BICD2: variants seen among roughly 807,000 people sequenced by gnomAD.
The protein encoded by BICD2 is BICD cargo adaptor 2, also known as protein bicaudal D homolog 2.
Under a neutral mutation model 72.9 loss-of-function variants are expected in BICD2, and 25 were observed. The observed-to-expected ratio is 0.34, with a 90% CI of 0.25 to 0.48. The LOEUF is 0.48. Ranked by LOEUF, BICD2 falls within the 20% of genes least tolerant of loss-of-function variation. The pLI is 0.99. For missense variants in BICD2, 894 were observed against 1,175.2 expected (o/e 0.76, Z 3.50); for synonymous variants, 501 against 516.1 (o/e 0.97, Z 0.40).
At chr9:92,739,919 G>A (rs994382451) in intron 1 of BICD2, among the ~76,000 whole-genome samples, 5 of 152,192 alleles carry the variant, frequency 3.3e-5, no homozygotes, top group African/African-American at 7.2e-5. Context: ...CCAGGACTCC[G>A]CAGGAGACCA....
At chr9:92,749,019 G>A (rs1854086040) in intron 1 of BICD2, among the ~76,000 whole-genome samples, 2 of 152,090 alleles carry the variant, frequency 1.3e-5, no homozygotes, top group South Asian at 2.1e-4. Context: ...GGGGCAGGAG[G>A]TGGAGTTGGT....
At chr9:92,752,344 AAAAG>A (rs1361654001) in intron 1 of BICD2, among the ~76,000 whole-genome samples, 1 of 152,206 alleles carries the variant, frequency 6.6e-6, no homozygotes, top group Non-Finnish European at 1.5e-5. Flanking sequence ...TAAAAAAAAA[AAAAG>A]AGGCACCATG....
chr9:92,722,541 C>T (rs1212345360), intron 3 of BICD2, 115 bp downstream of exon 3: 8 of 1,402,474 alleles, frequency 5.7e-6, no homozygotes, highest in South Asian at 1.4e-5. Flanking sequence ...CCCTGGGCCT[C>T]GGGTGTGTGG....
At chr9:92,722,894 C>T in intron 2 of BICD2, 86 bp from the exon 3 acceptor site, 2 of 1,538,798 alleles carry the variant, frequency 1.3e-6, no homozygotes, top group Non-Finnish European at 1.8e-6. Flanking sequence ...CCATGGCCAG[C>T]CATACAGCCA....
intron 2 of BICD2, among the ~76,000 whole-genome samples, chr9:92,726,996 G>A (rs1853580127): frequency 6.6e-6 from 1 of 152,170 alleles, no homozygotes. Flanking sequence ...GGAATAGACG[G>A]GCCAGACAGA....
At position 92,722,857 on chromosome 9, in the gene BICD2, G is replaced by C; in HGVS notation, c.454-49C>G. 20 of 1,610,414 alleles carry C rather than the reference G, an allele frequency of 1.2e-5. 2 individuals carry two copies. The highest frequency in any genetic ancestry group is 1.2e-4 in the African/African-American group (9 of 74,982). On this transcript the variant is annotated intron_variant, in intron 2 of 6. Transcript: ENST00000356884. Reference sequence around the variant, plus strand: ...GGTATGAGCAGCCTCCACAGGGCACGAGAGGGGCTCAGTGCAGCCAGGCAC... The same window carrying C: ...GGTATGAGCAGCCTCCACAGGGCACCAGAGGGGCTCAGTGCAGCCAGGCAC...
At position 92,764,168 on chromosome 9, in the gene BICD2, C is replaced by CA. The variant is rs1166394437; in HGVS notation, c.240+336dup. On this transcript the variant is annotated intron_variant, in intron 1 of 6. Transcript: ENST00000356884. This position sits in a 1 kb window ranked among gnomAD's most constrained non-coding sequence, Gnocchi z 5.5. ...TGCCCTCCCAACCCCACCCCACACTCAGACACACCCGGAACAGCGACCACC... is the reference window on the plus strand; with the variant it reads ...TGCCCTCCCAACCCCACCCCACACTCAAGACACACCCGGAACAGCGACCACC... Among the ~76,000 whole-genome samples the CA allele has an allele frequency of 2.6e-5, 4 of 151,504 alleles. No homozygotes were observed. Among genetic ancestry groups the CA allele is most frequent in the Non-Finnish European group, 5.9e-5 (4 of 67,806 alleles).
chr9:92,728,445 G>A (rs928907836), intron 2 of BICD2, among the ~76,000 whole-genome samples: 1 of 152,242 alleles, frequency 6.6e-6, no homozygotes, highest in African/African-American at 2.4e-5. Context: ...AACAGGCTCT[G>A]GTGCCAGGGA....
intron 1 of BICD2, among the ~76,000 whole-genome samples, chr9:92,748,289 G>A (rs1315967295): frequency 6.6e-6 from 1 of 152,126 alleles, no homozygotes; most frequent in Non-Finnish European, 1.5e-5. Context: ...CCTCTCCAGG[G>A]CTGAATCACG....
At chr9:92,745,540 C>A (rs1320435776) in intron 1 of BICD2, among the ~76,000 whole-genome samples, 1 of 152,098 alleles carries the variant, frequency 6.6e-6, no homozygotes, top group African/African-American at 2.4e-5. Context: ...GGGCTGCCGT[C>A]AGCACCCCTC....
At chr9:92,726,986 G>T (rs1253311127) in intron 2 of BICD2, among the ~76,000 whole-genome samples, 1 of 152,178 alleles carries the variant, frequency 6.6e-6, no homozygotes, top group African/African-American at 2.4e-5. Flanking sequence ...ACGCTTTTCA[G>T]GAATAGACGG....
chr9:92,737,735 C>T (rs187110843), intron 1 of BICD2, among the ~76,000 whole-genome samples: 1 of 152,308 alleles, frequency 6.6e-6, no homozygotes, highest in African/African-American at 2.4e-5. Flanking sequence ...AACAACTCTT[C>T]AAGTGTTACT....
intron 1 of BICD2, among the ~76,000 whole-genome samples, chr9:92,749,020 T>C (rs1466756868): frequency 6.6e-6 from 1 of 150,734 alleles, no homozygotes; most frequent in Non-Finnish European, 1.5e-5. Context: ...GGGCAGGAGG[T>C]GGAGTTGGTC....
At position 92,714,927 on chromosome 9, in the gene BICD2, A is replaced by G. The variant is rs116761334; in HGVS notation, c.*227T>C. On this transcript the variant is annotated 3_prime_UTR_variant, in exon 7 of 7. Transcript: ENST00000356884. ...TATCCCCACCTCTGACCCCCACCTA[A>G]GAGAGCAGCTGAGGACTGGGTGCTC... The G allele has an allele frequency of 4.2e-4, 565 of 1,358,718 alleles. 2 individuals are homozygous for G. The African/African-American group carries it at 7.2e-3, about 17-fold the overall frequency. The allele number at this position is 1,358,718 out of a possible 1,614,324, so 84.2% of individuals were successfully genotyped here.
At chr9:92,721,344 A>G (rs1212579834) in intron 3 of BICD2, among the ~76,000 whole-genome samples, 1 of 152,202 alleles carries the variant, frequency 6.6e-6, no homozygotes, top group African/African-American at 2.4e-5. Flanking sequence ...AAACCTCCAC[A>G]TGCACATGAC....
At chr9:92,719,729 G>A (rs1853419832) in intron 4 of BICD2, 147 bp from the exon 5 acceptor site, 3 of 773,374 alleles carry the variant, frequency 3.9e-6, no homozygotes, top group South Asian at 1.9e-5. Flanking sequence ...TCAGTGAGGT[G>A]GACAAAGACA....
At chr9:92,747,822 C>T (rs1044235396) in intron 1 of BICD2, among the ~76,000 whole-genome samples, 10 of 152,232 alleles carry the variant, frequency 6.6e-5, no homozygotes, top group Admixed American at 3.9e-4. Flanking sequence ...GAGCCCAAGC[C>T]CAGCAAGTGG....
chr9:92,716,022 T>A (rs1853305377), intron 6 of BICD2, among the ~76,000 whole-genome samples: 1 of 151,990 alleles, frequency 6.6e-6, no homozygotes, highest in African/African-American at 2.4e-5. Context: ...GAAACCCGGG[T>A]GCGGAGCTGT....
At chr9:92,729,568 A>G (rs10821010) in intron 1 of BICD2, among the ~76,000 whole-genome samples, 43,287 of 152,262 alleles carry the variant, frequency 0.28, 7,151 homozygotes, top group East Asian at 0.76. Flanking sequence ...GGGGGCCGGC[A>G]GAGGGAGCTC....
Sources: gnomAD v4.1 joint callset for allele counts (sites outside exome capture counted in the v4.1 genomes callset) on GRCh38, gnomAD v4.1.1 for gene constraint, Gnocchi (gnomAD v3.1) non-coding constraint, MANE v1.5 for transcripts, NCBI Gene and HGNC (gene_info 2026-07-23, HGNC 2026-07-21) for gene names.